Variants in ROR1 observed in about 807,000 individuals in gnomAD.
ROR1 encodes the protein inactive tyrosine-protein kinase transmembrane receptor ROR1.
In ROR1, 19 loss-of-function variants were observed where a neutral mutation model predicts 78.8. That is an observed-to-expected ratio of 0.24 (90% CI 0.17 to 0.35). The LOEUF is 0.35. Ranked by LOEUF, ROR1 falls within the 10% of genes least tolerant of loss-of-function variation. ROR1 has a pLI of 1.00. For missense variants in ROR1, 917 were observed against 1,177.8 expected (o/e 0.78, Z 3.24); for synonymous variants, 386 against 433.6 (o/e 0.89, Z 1.36).
chr1:63,871,498 G>C (rs1645251195), intron 1 of ROR1, among the ~76,000 whole-genome samples: 1 of 152,156 alleles, frequency 6.6e-6, no homozygotes, highest in Non-Finnish European at 1.5e-5. Flanking sequence ...GGAGACCCCA[G>C]TTGCTCTGTC....
intron 4 of ROR1, among the ~76,000 whole-genome samples, chr1:64,066,263 A>G (rs527911665): frequency 6.6e-6 from 1 of 152,194 alleles, no homozygotes; most frequent in South Asian, 2.1e-4. Context: ...TCTCTAGAGC[A>G]GCAATGCTGT....
intron 1 of ROR1, among the ~76,000 whole-genome samples, chr1:63,791,094 G>T (rs1027075719): frequency 3.9e-5 from 6 of 152,218 alleles, no homozygotes; most frequent in Non-Finnish European, 7.3e-5. Flanking sequence ...TCTTGCACCT[G>T]CTATGAGTCA....
intron 2 of ROR1, among the ~76,000 whole-genome samples, chr1:64,045,967 C>T (rs1646779728): frequency 1.3e-5 from 2 of 152,168 alleles, no homozygotes; most frequent in Non-Finnish European, 2.9e-5. Context: ...ATAGCTCAAG[C>T]ACATATCATC....
intron 2 of ROR1, among the ~76,000 whole-genome samples, chr1:64,029,484 C>T (rs949655631): frequency 1.3e-4 from 20 of 152,180 alleles, no homozygotes; most frequent in African/African-American, 4.6e-4. Flanking sequence ...TAACAAAGTA[C>T]CACATGCTGT....
At chr1:64,051,278 G>A (rs1646826127) in intron 4 of ROR1, among the ~76,000 whole-genome samples, 1 of 151,560 alleles carries the variant, frequency 6.6e-6, no homozygotes, top group Admixed American at 6.6e-5. Flanking sequence ...GGTGAAACCC[G>A]TCTCTACTAA....
In ROR1 at chr1:63,960,158, C is replaced by G. The variant is rs568465753; in HGVS notation, c.92-49147C>G. 1.4e-3 allele frequency among the ~76,000 whole-genome samples: 209 copies of G among 152,274 alleles called. 3 individuals carry two copies. The highest frequency in any genetic ancestry group is 4.8e-3 in the African/African-American group (199 of 41,548). ...AAATTTACCACACAACCTCTTACAT[C>G]TAAAAGAAACGTTGTTACTCATTGT... On this transcript the variant is annotated intron_variant, in intron 1 of 8. Transcript: ENST00000371079.
chr1:64,070,183 A>G (rs1469854284), intron 4 of ROR1, among the ~76,000 whole-genome samples: 3 of 152,226 alleles, frequency 2.0e-5, no homozygotes, highest in East Asian at 1.9e-4. Flanking sequence ...TTCACTTAGC[A>G]TAATGTGTTC....
At chr1:64,158,282 A>G (rs1649833449) in intron 7 of ROR1, among the ~76,000 whole-genome samples, 1 of 152,264 alleles carries the variant, frequency 6.6e-6, no homozygotes, top group Non-Finnish European at 1.5e-5. Context: ...GTGTCAGATT[A>G]TACAGTGCTG....
intron 1 of ROR1, among the ~76,000 whole-genome samples, chr1:63,918,839 T>C (rs1181047479): frequency 6.6e-6 from 1 of 152,158 alleles, no homozygotes; most frequent in Non-Finnish European, 1.5e-5. Context: ...AAGAGTGTCC[T>C]GAGACCTCAT....
intron 1 of ROR1, among the ~76,000 whole-genome samples, chr1:63,910,820 G>A (rs997874149): frequency 1.3e-5 from 2 of 152,214 alleles, no homozygotes; most frequent in African/African-American, 4.8e-5. Flanking sequence ...CAAAGGTTCA[G>A]AACAACAAGG....
intron 1 of ROR1, among the ~76,000 whole-genome samples, chr1:63,791,312 T>C (rs934345798): frequency 2.6e-5 from 4 of 152,080 alleles, no homozygotes; most frequent in African/African-American, 9.7e-5. Flanking sequence ...GTTAGAGTGC[T>C]GGAGACAGAA....
chr1:64,059,102 AT>A (rs746230200), intron 4 of ROR1, among the ~76,000 whole-genome samples: 23 of 151,966 alleles, frequency 1.5e-4, no homozygotes, highest in Non-Finnish European at 3.4e-4. Flanking sequence ...TATCTAAGTT[AT>A]TTTATTCCTT....
At chr1:64,089,797 C>T (rs1354790391) in intron 4 of ROR1, among the ~76,000 whole-genome samples, 2 of 152,132 alleles carry the variant, frequency 1.3e-5, no homozygotes, top group Admixed American at 6.5e-5. Flanking sequence ...GGTTGTTTCC[C>T]TACCCAAATC....
intron 2 of ROR1, among the ~76,000 whole-genome samples, chr1:64,027,153 A>T (rs1421986506): frequency 1.3e-5 from 2 of 152,160 alleles, no homozygotes; most frequent in Non-Finnish European, 1.5e-5. Flanking sequence ...TGATTTGAGA[A>T]TTACAGGAGA....
chr1:63,800,945 T>C (rs1644793207), intron 1 of ROR1, among the ~76,000 whole-genome samples: 1 of 144,550 alleles, frequency 6.9e-6, no homozygotes, highest in Admixed American at 6.7e-5. Context: ...AAAAAGTATA[T>C]GTTGGGTATT....
Position 64,158,971 on chromosome 1 carries a change from C to T in ROR1, c.1175-10C>T, listed in dbSNP as rs1229272187. 3 of 1,608,958 alleles carry T rather than the reference C, an allele frequency of 1.9e-6. No homozygotes were observed. Among genetic ancestry groups the T allele is most frequent in the Non-Finnish European group, 2.6e-6 (3 of 1,176,038 alleles). ...GTATAACTTTTGCTCTTTTTCATTT[C>T]TGCACCCAGATTCAAAGGATTCCAA... On this transcript the variant is annotated splice_polypyrimidine_tract_variant and intron_variant, in intron 7 of 8. Coordinates refer to ENST00000371079, the MANE Select transcript of ROR1 (RefSeq NM_005012.4).
intron 1 of ROR1, chr1:63,843,275 G>A (rs1645060440): frequency 3.4e-6 from 5 of 1,470,908 alleles, no homozygotes; most frequent in South Asian, 2.3e-5. Context: ...CCTCCTTGTA[G>A]CAGTTTGTGT....
At chr1:63,886,087 G>T (rs369443462) in intron 1 of ROR1, among the ~76,000 whole-genome samples, 327 of 152,240 alleles carry the variant, frequency 2.1e-3, no homozygotes, top group African/African-American at 7.2e-3. Context: ...ATGCAACCTA[G>T]ATCCCTCGCA....
At chr1:63,833,606 G>T (rs764858639) in intron 1 of ROR1, among the ~76,000 whole-genome samples, 36 of 152,154 alleles carry the variant, frequency 2.4e-4, no homozygotes, top group Non-Finnish European at 5.0e-4. Context: ...CTCTGGGAGG[G>T]GAGAGGACAG....
Sources: gnomAD v4.1 joint callset for allele counts (sites outside exome capture counted in the v4.1 genomes callset) on GRCh38, gnomAD v4.1.1 for gene constraint, MANE v1.5 for transcripts, NCBI Gene and HGNC (gene_info 2026-07-23, HGNC 2026-07-21) for gene names.